The following AIRE variants were observed in gnomAD, a reference collection of about 807,000 sequenced individuals.
AIRE encodes autoimmune polyendocrinopathy candidiasis ectodermal dystrophy protein.
In AIRE, 52 loss-of-function variants were observed where a neutral mutation model predicts 62.1. The observed-to-expected ratio is 0.84, with a 90% CI of 0.67 to 1.06. AIRE has a LOEUF of 1.06. AIRE is among the 50% of genes least tolerant of loss of function. AIRE has a pLI of 0.00. For missense variants in AIRE, 774 were observed against 755.8 expected (o/e 1.02, Z -0.28); for synonymous variants, 342 against 321.6 (o/e 1.06, Z -0.68).
chr21:44,288,848 C>G (rs892326858), intron 5 of AIRE: 4 of 203,890 alleles, frequency 2.0e-5, no homozygotes, highest in African/African-American at 6.9e-5. Flanking sequence ...CCTTGCCCCC[C>G]ATACCCTGGC....
At chr21:44,290,505 T>A (rs528777553) in intron 7 of AIRE, 331 of 926,982 alleles carry the variant, frequency 3.6e-4, no homozygotes, top group Non-Finnish European at 4.0e-4. Context: ...CACCAGGGGC[T>A]CTGTGGGGCC....
rs2040627326 is a variant in AIRE at position 44,297,823 on chromosome 21, G to A, written c.*96G>A. 8 of 1,182,604 alleles carry A rather than the reference G, an allele frequency of 6.8e-6. No homozygotes were observed. Among genetic ancestry groups the A allele is most frequent in the Admixed American group, 3.9e-5 (2 of 51,352 alleles). The allele number at this position is 1,182,604 out of a possible 1,614,324, so 73.3% of individuals were successfully genotyped here. ...AAGCCGGCCGGCTGGGATCAAGAAG[G>A]GGACAGCGCCACCTCTTGTCAGTGC... On this transcript the variant is annotated 3_prime_UTR_variant, in exon 14 of 14. Coordinates refer to ENST00000291582, the MANE Select transcript of AIRE (RefSeq NM_000383.4). This position sits in a 1 kb window ranked among gnomAD's most constrained non-coding sequence, Gnocchi z 4.8.
At position 44,286,700 on chromosome 21, in the gene AIRE, G is replaced by A. The variant is rs765892829; in HGVS notation, c.276G>A (p.Arg92=). 25 of 1,612,900 alleles carry A rather than the reference G, an allele frequency of 1.6e-5. No homozygotes were observed. Among genetic ancestry groups the A allele is most frequent in the Non-Finnish European group, 2.0e-5 (24 of 1,180,012 alleles). Reference sequence around the variant, plus strand: ...ACTACAACCTGGAGCGCTATGGCCGGCTGCAGCCCATCCTGGACAGCTTCC... The same window carrying A: ...ACTACAACCTGGAGCGCTATGGCCGACTGCAGCCCATCCTGGACAGCTTCC... The part of the protein sequence containing the change: ...FKDYNLERYG[R]LQPILDSFPK... The change falls in exon 2 of 14, where the codon CGG becomes CGA. Residue 92 remains arginine (R), a synonymous_variant. Transcript: ENST00000291582. The surrounding 1 kb of genome is among the most constrained non-coding windows in gnomAD (Gnocchi z 6.0).
At chr21:44,290,892 G>C (rs750913835) in intron 7 of AIRE, 15 of 1,609,678 alleles carry the variant, frequency 9.3e-6, no homozygotes, top group Middle Eastern at 1.6e-4. Context: ...ATGGCCCCGG[G>C]GGGTGTCTGT....
chr21:44,291,097 G>T lies in AIRE; in HGVS notation c.882G>T (p.Lys294Asn). 1.2e-6 allele frequency: 2 copies of T among 1,613,022 alleles called. No homozygotes were observed. The highest frequency in any genetic ancestry group is 1.7e-6 in the Non-Finnish European group (2 of 1,179,808). Reference protein sequence around the residue: ...ALPSDPQLHQKNEDECAVCRD... With the variant: ...ALPSDPQLHQNNEDECAVCRD... ...TGGGCGTCTCTTGCCTGTGCCAGAA[G>T]AATGAGGACGAGTGTGCCGTGTGTC... The change falls in exon 8 of 14, where the codon AAG becomes AAT. Residue 294 changes from lysine to asparagine, a missense_variant and splice_region_variant. By Grantham distance (94) the Lys-to-Asn change is moderately conservative. Coordinates refer to ENST00000291582, the MANE Select transcript of AIRE (RefSeq NM_000383.4).
chr21:44,292,166 C>A, intron 8 of AIRE, 136 bp from the exon 9 acceptor site: 1 of 758,820 alleles, frequency 1.3e-6, no homozygotes, highest in Non-Finnish European at 2.3e-6. Flanking sequence ...TGTGTCTCTG[C>A]CCATCTCTCT....
intron 9 of AIRE, 128 bp from the exon 10 acceptor site, chr21:44,292,865 G>GC (rs1364892606): frequency 7.8e-6 from 6 of 766,844 alleles, no homozygotes; most frequent in African/African-American, 1.7e-5. Flanking sequence ...CCAGCCCTCC[G>GC]CCCCCACCAT....
intron 9 of AIRE, 29 bp from the exon 10 acceptor site, chr21:44,292,964 C>T (rs1245927854): frequency 1.2e-6 from 2 of 1,608,090 alleles, no homozygotes; most frequent in Non-Finnish European, 8.5e-7. Flanking sequence ...GCGCCCGCTG[C>T]CCCTCTGATG....
chr21:44,290,353 C>T (rs1380158886), intron 7 of AIRE: 13 of 985,444 alleles, frequency 1.3e-5, no homozygotes, highest in African/African-American at 7.0e-5. Context: ...GTGGGTGGGC[C>T]GGGCGCCCCT....
Position 44,289,530 on chromosome 21 carries a change from G to A in AIRE, c.653-127G>A, listed in dbSNP as rs868806100. 78 of 1,348,464 alleles carry A rather than the reference G, an allele frequency of 5.8e-5. 2 individuals carry two copies. The Middle Eastern group carries it at 4.1e-3, about 71-fold the overall frequency. The allele number at this position is 1,348,464 out of a possible 1,614,324, so 83.5% of individuals were successfully genotyped here. A position where few individuals can be genotyped will look rare whatever the true frequency, so the allele number is the denominator to read the frequency against. On this transcript the variant is annotated intron_variant, in intron 5 of 13. Transcript: ENST00000291582. ...CCCCAGACTCGACTGGGGTGGGGGC[G>A]GGCTGGAGGAATGCAGGCTGTGGGA...
Position 44,293,865 on chromosome 21 carries a change from C to T in AIRE, c.1355C>T (p.Ala452Val). Residue 452 changes from alanine to valine, a missense_variant, in exon 11 of 14, where the codon GCC (alanine) becomes GTC (valine). This residue lies in a region of AIRE where 354 missense variants were observed against 296.1 expected (regional missense o/e 1.20). Coordinates refer to ENST00000291582, the MANE Select transcript of AIRE (RefSeq NM_000383.4). ...DVLRCTHCAA[A>V]FHWRCHFPAG... is the part of the protein sequence containing the mutation. ...CTGCGGTGTACTCACTGCGCCGCTG[C>T]CTTCCACTGGCGCTGCCACTTCCCA... The T allele has an allele frequency of 6.3e-7, 1 of 1,596,844 alleles. No homozygotes were observed. The highest frequency in any genetic ancestry group is 8.5e-7 in the Non-Finnish European group (1 of 1,179,540).
intron 10 of AIRE, 92 bp downstream of exon 10, chr21:44,293,267 C>T: frequency 2.9e-6 from 4 of 1,370,704 alleles, no homozygotes; most frequent in Non-Finnish European, 3.9e-6. Context: ...GAGAGGGAGG[C>T]CAGGCGAGAA....
At position 44,286,412 on chromosome 21, in the gene AIRE, C is replaced by A; in HGVS notation, c.133-145C>A. 1 of 951,306 alleles carries A rather than the reference C, an allele frequency of 1.1e-6. No homozygotes were observed. The highest frequency in any genetic ancestry group is 1.6e-6 in the Non-Finnish European group (1 of 641,272). 58.9% of individuals were successfully genotyped at this position (951,306 alleles called of 1,614,324 possible). On this transcript the variant is annotated intron_variant, in intron 1 of 13. Transcript: ENST00000291582. The surrounding 1 kb of genome is among the most constrained non-coding windows in gnomAD (Gnocchi z 6.0). ...ACACCCCTACACCACCACCTGACTC[C>A]ACCACAAGCCGAGGAGATGGGCGTG...
intron 7 of AIRE, chr21:44,290,465 C>T (rs1420378317): frequency 2.0e-6 from 2 of 982,270 alleles, no homozygotes; most frequent in Non-Finnish European, 2.4e-6. Context: ...GGGTGCCTGC[C>T]GTGGTGGGTT....
In AIRE at chr21:44,293,050, C is replaced by G. The variant is rs748929295; in HGVS notation, c.1153C>G (p.Leu385Val). ...EEVRGPPGEP[L>V]AGMDTTLVYK... ...GGTAAGAGGTCCACCTGGGGAACCC[C>G]TAGCCGGCATGGACACGACTCTTGT... The change falls in exon 10 of 14, where the codon CTA (leucine) becomes GTA (valine). Residue 385 changes from leucine (L) to valine (V), a missense_variant. Coordinates refer to ENST00000291582, the MANE Select transcript of AIRE (RefSeq NM_000383.4). 3.1e-6 allele frequency: 5 copies of G among 1,612,518 alleles called. No homozygotes were observed. The highest frequency in any genetic ancestry group is 4.5e-5 in the East Asian group (2 of 44,868).
Position 44,287,215 on chromosome 21 carries a change from G to T in AIRE, c.463+82G>T. The T allele has an allele frequency of 9.0e-6, 14 of 1,553,410 alleles. No homozygotes were observed. Among genetic ancestry groups the T allele is most frequent in the Non-Finnish European group, 1.2e-5 (14 of 1,143,084 alleles). On this transcript the variant is annotated intron_variant, in intron 3 of 13. Coordinates refer to ENST00000291582, the MANE Select transcript of AIRE (RefSeq NM_000383.4). This position sits in a 1 kb window ranked among gnomAD's most constrained non-coding sequence, Gnocchi z 4.3. ...GGAGCCCACGCCCCCTCCCCACCCG[G>T]GCTCCCACCCACTGGGTGTGGGGCC...
intron 9 of AIRE, 116 bp from the exon 10 acceptor site, chr21:44,292,877 C>A: frequency 1.1e-6 from 1 of 899,602 alleles, no homozygotes; most frequent in East Asian, 2.5e-5. Flanking sequence ...CCCCACCATG[C>A]CAGGCCTCTG....
intron 11 of AIRE, 56 bp from the exon 12 acceptor site, chr21:44,294,345 G>A (rs569473425): frequency 8.0e-5 from 60 of 753,820 alleles, no homozygotes; most frequent in Middle Eastern, 4.1e-4. Flanking sequence ...CCCATACCCC[G>A]GAGGTGGCAC....
intron 10 of AIRE, among the ~76,000 whole-genome samples, chr21:44,293,587 T>G (rs1308168514): frequency 1.3e-5 from 2 of 151,920 alleles, no homozygotes; most frequent in African/African-American, 4.8e-5. Flanking sequence ...AGCCTGAGGG[T>G]GCTTGGGTCG....
Sources: allele counts gnomAD v4.1 joint callset (sites outside exome capture counted in the v4.1 genomes callset), GRCh38; gene constraint gnomAD v4.1.1; regional missense constraint gnomAD v4.1.1; non-coding constraint Gnocchi (gnomAD v3.1); transcripts MANE v1.5; gene names NCBI Gene and HGNC (gene_info 2026-07-23, HGNC 2026-07-21).